KPNB1: variants seen among roughly 807,000 people sequenced by gnomAD.
KPNB1 encodes importin subunit beta-1.
A neutral mutation model predicts 113.0 loss-of-function variants in KPNB1; 7 were observed. The ratio of observed to expected loss-of-function variants is 0.06; its 90% CI spans 0.04 to 0.12. The LOEUF is 0.12. Among genes scored for constraint, KPNB1 ranks in the 10% least tolerant of loss-of-function variants. The pLI, the probability that KPNB1 is intolerant of heterozygous loss-of-function variation, is 1.00. For missense variants in KPNB1, 400 were observed against 1,054.8 expected (o/e 0.38, Z 8.60); for synonymous variants, 363 against 378.6 (o/e 0.96, Z 0.48).
intron 12 of KPNB1, among the ~76,000 whole-genome samples, chr17:47,672,220 G>A (rs2030470891): frequency 6.6e-6 from 1 of 151,980 alleles, no homozygotes; most frequent in South Asian, 2.1e-4. Context: ...TGGCCAGGCT[G>A]GTCACAAACT....
chr17:47,672,084 T>C (rs1420951852), intron 12 of KPNB1, among the ~76,000 whole-genome samples: 2 of 151,822 alleles, frequency 1.3e-5, no homozygotes, highest in African/African-American at 4.8e-5. Context: ...CAATCTTGGC[T>C]CACTGCAACC....
intron 19 of KPNB1, chr17:47,678,630 CG>C (rs2030682629): frequency 2.0e-6 from 1 of 505,290 alleles, no homozygotes; most frequent in South Asian, 2.2e-5. Flanking sequence ...TGTTTTGAGA[CG>C]GAGTCTCACT....
intron 4 of KPNB1, among the ~76,000 whole-genome samples, chr17:47,657,342 C>T (rs576899713): frequency 6.6e-6 from 1 of 152,202 alleles, no homozygotes; most frequent in Admixed American, 6.5e-5. Flanking sequence ...TTTGGATTAT[C>T]CCTGACCCAG....
At position 47,650,161 on chromosome 17, in the gene KPNB1, C is replaced by T; in HGVS notation, c.-84C>T. On this transcript the variant is annotated 5_prime_UTR_variant, in exon 1 of 22. Transcript: ENST00000290158. ...CCCACCCTCCCTTCCCACCCGACCC[C>T]CAACCCCCATCCCCAGTTCGAGCCG... 1 of 1,374,550 alleles carries T rather than the reference C, an allele frequency of 7.3e-7. No homozygotes were observed. The allele number at this position is 1,374,550 out of a possible 1,614,324, so 85.1% of individuals were successfully genotyped here.
In KPNB1 at chr17:47,676,509, A is replaced by C; in HGVS notation, c.1995+18A>C. 6.4e-7 allele frequency: 1 copy of C among 1,561,480 alleles called. No individual in the cohort carries two copies. ...AATACCAGGTAGGATGTGCTTTTCA[A>C]AATAGTATGTTCCCATTTATATCTG... On this transcript the variant is annotated intron_variant, in intron 16 of 21. Coordinates refer to ENST00000290158, the MANE Select transcript of KPNB1 (RefSeq NM_002265.6).
At chr17:47,663,402 G>A (rs965389070) in intron 7 of KPNB1, among the ~76,000 whole-genome samples, 2 of 152,132 alleles carry the variant, frequency 1.3e-5, no homozygotes, top group African/African-American at 4.8e-5. Context: ...GGTGGCTAAC[G>A]CCTGTAATCC....
chr17:47,676,807 C>CTTTTTTTTTT (rs10649330), intron 16 of KPNB1, among the ~76,000 whole-genome samples: 4 of 116,240 alleles, frequency 3.4e-5, no homozygotes, highest in Admixed American at 9.1e-5. Context: ...GAGAGCAAGG[C>CTTTTTTTTTT]TTTTTTTTTT....
chr17:47,667,534 CTTTA>C (rs971781854), intron 9 of KPNB1, among the ~76,000 whole-genome samples: 10 of 151,140 alleles, frequency 6.6e-5, no homozygotes, highest in Admixed American at 4.0e-4. Context: ...TGATTTTGGA[CTTTA>C]TTTATTATTA....
intron 14 of KPNB1, chr17:47,673,903 A>T (rs1271956321): frequency 6.3e-5 from 14 of 220,792 alleles, no homozygotes; most frequent in Admixed American, 2.6e-4. Context: ...AGAGAAGGAA[A>T]CTACTTAATG....
chr17:47,682,680 T>A lies in KPNB1; in HGVS notation c.*276T>A. 12 of 478,778 alleles carry A rather than the reference T, an allele frequency of 2.5e-5. No individual in the cohort carries two copies. The highest frequency in any genetic ancestry group is 5.9e-5 in the South Asian group (2 of 33,978). The allele number at this position is 478,778 out of a possible 1,614,324, so 29.7% of individuals were successfully genotyped here. A position where few individuals can be genotyped will look rare whatever the true frequency, so the allele number is the denominator to read the frequency against. ...GAGAAAAACAATGGAGTTACTTATT[T>A]AAAAAAAAAGAAAGAAAGTTATCTC... On this transcript the variant is annotated 3_prime_UTR_variant, in exon 22 of 22. Transcript: ENST00000290158.
chr17:47,650,519 G>A, intron 2 of KPNB1, 75 bp downstream of exon 2: 3 of 1,390,540 alleles, frequency 2.2e-6, no homozygotes, highest in Non-Finnish European at 3.0e-6. Flanking sequence ...CCCTCCCGGA[G>A]GCCCAGGCCT....
rs147688413 is a variant in KPNB1 at position 47,657,005 on chromosome 17, C to T, written c.428C>T (p.Thr143Ile). The change falls in exon 4 of 22, where the codon ACA (threonine) becomes ATA (isoleucine). Residue 143 changes from threonine to isoleucine, a missense_variant. Thr to Ile is a moderately conservative substitution (Grantham distance 89). This residue lies in a region of KPNB1 where 285 missense variants were observed against 627.0 expected (regional missense o/e 0.45). Coordinates refer to ENST00000290158, the MANE Select transcript of KPNB1 (RefSeq NM_002265.6). The part of the protein sequence containing the change: ...LVANVTNPNS[T>I]EHMKESTLEA... ...GCCAATGTCACAAACCCCAACAGCA[C>T]AGAGCACATGAAGGAGTCGACATTG... is the stretch of plus-strand genomic sequence containing the variant. 1.2e-6 allele frequency: 2 copies of T among 1,614,046 alleles called. No individual in the cohort carries two copies. Among genetic ancestry groups the T allele is most frequent in the African/African-American group, 2.7e-5 (2 of 74,900 alleles).
At chr17:47,670,920 A>C (rs1254140319) in intron 12 of KPNB1, 88 bp downstream of exon 12, 22 of 1,181,812 alleles carry the variant, frequency 1.9e-5, no homozygotes, top group Non-Finnish European at 2.1e-5. Flanking sequence ...TAATCATAGA[A>C]GCATAATGAG....
rs2030353069 is a variant in KPNB1 at position 47,668,347 on chromosome 17, G to A, written c.1161G>A (p.Val387=). Residue 387 remains valine, a synonymous_variant, in exon 10 of 22, where the codon GTG becomes GTA. Coordinates refer to ENST00000290158, the MANE Select transcript of KPNB1 (RefSeq NM_002265.6). The part of the protein sequence containing the change: ...NPDWRYRDAA[V]MAFGCILEGP... ...ATTGGCGGTACCGGGATGCAGCAGTGATGGCTTTTGGTTGTATCTTGGAAG... is the reference window on the plus strand; with the variant it reads ...ATTGGCGGTACCGGGATGCAGCAGTAATGGCTTTTGGTTGTATCTTGGAAG... The A allele has an allele frequency of 6.2e-7, 1 of 1,614,070 alleles. No individual in the cohort carries two copies. The highest frequency in any genetic ancestry group is 1.7e-5 in the Admixed American group (1 of 59,998).
intron 3 of KPNB1, among the ~76,000 whole-genome samples, chr17:47,654,487 CTAACAG>C (rs1430200500): frequency 6.6e-6 from 1 of 151,256 alleles, no homozygotes; most frequent in Non-Finnish European, 1.5e-5. Context: ...GAGAAAAAAG[CTAACAG>C]TACCTTGGCC....
intron 9 of KPNB1, 98 bp from the exon 10 acceptor site, chr17:47,668,088 G>C (rs1163559893): frequency 2.3e-6 from 2 of 882,772 alleles, no homozygotes; most frequent in Non-Finnish European, 3.6e-6. Flanking sequence ...TTTCCCTGGA[G>C]TTTAAGTTCT....
intron 21 of KPNB1, among the ~76,000 whole-genome samples, chr17:47,681,394 A>T (rs2030773682): frequency 6.6e-6 from 1 of 151,052 alleles, no homozygotes; most frequent in South Asian, 2.1e-4. Context: ...CAGCCTCCTG[A>T]GTAGCTAGGA....
intron 17 of KPNB1, 34 bp from the exon 18 acceptor site, chr17:47,678,012 G>T: frequency 6.3e-7 from 1 of 1,598,450 alleles, no homozygotes; most frequent in South Asian, 1.1e-5. Flanking sequence ...AACAAGTTTT[G>T]ACTTAATTCA....
In KPNB1 at chr17:47,657,046, A is replaced by G; in HGVS notation, c.469A>G (p.Ile157Val). Residue 157 changes from isoleucine (I) to valine (V), a missense_variant, in exon 4 of 22, where the codon ATT (isoleucine) becomes GTT (valine). Coordinates refer to ENST00000290158, the MANE Select transcript of KPNB1 (RefSeq NM_002265.6). ...GTCGACATTGGAAGCCATCGGTTAT[A>G]TTTGCCAAGATATAGTAAGTGCTTG... ...KESTLEAIGY[I>V]CQDIDPEQLQ... 1 of 1,613,992 alleles carries G rather than the reference A, an allele frequency of 6.2e-7. No homozygotes were observed. The highest frequency in any genetic ancestry group is 8.5e-7 in the Non-Finnish European group (1 of 1,179,952).
Sources: gnomAD v4.1 joint callset for allele counts (sites outside exome capture counted in the v4.1 genomes callset) on GRCh38, gnomAD v4.1.1 for gene constraint, gnomAD v4.1.1 regional missense constraint, MANE v1.5 for transcripts, NCBI Gene and HGNC (gene_info 2026-07-23, HGNC 2026-07-21) for gene names.